Variants in GRM4 observed in about 807,000 individuals in gnomAD.
GRM4 encodes the protein glutamate metabotropic receptor 4, also known as metabotropic glutamate receptor 4.
A neutral mutation model predicts 81.7 loss-of-function variants in GRM4; 28 were observed. The observed-to-expected ratio is 0.34, with a 90% CI of 0.25 to 0.47. The LOEUF (loss-of-function observed/expected upper bound fraction) is 0.47. Among genes scored for constraint, GRM4 ranks in the 20% least tolerant of loss-of-function variants. GRM4 has a pLI of 1.00. For synonymous variants in GRM4, 488 were observed against 528.8 expected, an observed-to-expected ratio of 0.92 and a Z score of 1.06; for missense variants, 948 against 1,290.0, an observed-to-expected ratio of 0.73 and a Z score of 4.06.
At chr6:34,091,207 G>T (rs757730139) in intron 3 of GRM4, among the ~76,000 whole-genome samples, 2 of 152,222 alleles carry the variant, frequency 1.3e-5, no homozygotes, top group Non-Finnish European at 2.9e-5. Context: ...CTGCCAAGGG[G>T]ATAACCCTTG....
At position 34,059,186 on chromosome 6, in the gene GRM4, TC is replaced by T. The variant is rs1395294762; in HGVS notation, c.873-59del. On this transcript the variant is annotated intron_variant, in intron 4 of 10. Coordinates refer to ENST00000538487, the MANE Select transcript of GRM4 (RefSeq NM_000841.4). The surrounding 1 kb of genome is among the most constrained non-coding windows in gnomAD (Gnocchi z 5.7). The stretch of plus-strand genomic sequence containing the variant: ...CGTCTGTCCACGAAACTGCCCCCAC[TC>T]CTGGCCACACTTGCTTTGGGCCCAC... 6.7e-5 allele frequency: 103 copies of T among 1,534,242 alleles called. No homozygotes were observed. Among genetic ancestry groups the T allele is most frequent in the Non-Finnish European group, 9.0e-5 (100 of 1,115,628 alleles).
Position 34,115,975 on chromosome 6 carries a change from C to T in GRM4, c.519+17003G>A, listed in dbSNP as rs1048930784. Among the ~76,000 whole-genome samples, 9 of 152,194 alleles carry T rather than the reference C, an allele frequency of 5.9e-5. No homozygotes were observed. The highest frequency in any genetic ancestry group is 1.3e-4 in the Admixed American group (2 of 15,284). ...TAATTACATACAAGTGGGTTTTCTG[C>T]GGCCTCGCCACCCCTATCCAACCTG... On this transcript the variant is annotated intron_variant, in intron 2 of 10. Coordinates refer to ENST00000538487, the MANE Select transcript of GRM4 (RefSeq NM_000841.4). This position sits in a 1 kb window ranked among gnomAD's most constrained non-coding sequence, Gnocchi z 4.1.
intron 1 of GRM4, among the ~76,000 whole-genome samples, chr6:34,135,469 C>T (rs73744826): frequency 0.02 from 2,987 of 152,348 alleles, 51 homozygotes; most frequent in African/African-American, 0.045. Context: ...CACAGCAAAT[C>T]AAGATGCATC....
At chr6:34,116,189 C>A (rs1006561373) in intron 2 of GRM4, among the ~76,000 whole-genome samples, 1 of 152,214 alleles carries the variant, frequency 6.6e-6, no homozygotes, top group African/African-American at 2.4e-5. Context: ...CAAACACATG[C>A]CGCCTAGAAC....
intron 6 of GRM4, among the ~76,000 whole-genome samples, chr6:34,043,653 G>A (rs1237932692): frequency 1.3e-5 from 2 of 152,156 alleles, no homozygotes; most frequent in Non-Finnish European, 2.9e-5. Context: ...TCCCCCAGGA[G>A]GCTGGCCTCA....
intron 1 of GRM4, among the ~76,000 whole-genome samples, chr6:34,153,342 C>A (rs1771084264): frequency 6.6e-6 from 1 of 152,188 alleles, no homozygotes; most frequent in Non-Finnish European, 1.5e-5. Context: ...AGTCCCTGCC[C>A]CAGATTCTGG....
At chr6:34,024,795 C>T (rs1419138966) in intron 10 of GRM4, 7 of 455,028 alleles carry the variant, frequency 1.5e-5, no homozygotes, top group Non-Finnish European at 2.2e-5. Flanking sequence ...TTATGTGCTA[C>T]CTGGACAGGT....
At chr6:34,044,447 CAT>C (rs1482996210) in intron 6 of GRM4, among the ~76,000 whole-genome samples, 1 of 137,232 alleles carries the variant, frequency 7.3e-6, no homozygotes, top group African/African-American at 3.1e-5. Context: ...CATACATACA[CAT>C]ATATAGACAC....
chr6:34,134,315 A>G (rs1770367909), intron 1 of GRM4, among the ~76,000 whole-genome samples: 2 of 152,154 alleles, frequency 1.3e-5, no homozygotes, highest in African/African-American at 4.8e-5. Context: ...AAGCTCAGAT[A>G]AAGCTTGGAC....
chr6:34,085,342 C>T (rs1254982665), intron 3 of GRM4, among the ~76,000 whole-genome samples: 1 of 152,204 alleles, frequency 6.6e-6, no homozygotes, highest in Non-Finnish European at 1.5e-5. Context: ...AGGCGCACCC[C>T]ACAGTTCACC....
chr6:34,019,654 G>GT lies in GRM4; in HGVS notation c.*3166dup, dbSNP rs922793897. 3.9e-5 allele frequency: 6 copies of GT among 152,182 alleles called. No individual in the cohort carries two copies. The highest frequency in any genetic ancestry group is 1.4e-4 in the African/African-American group (6 of 41,430). 9.4% of individuals were successfully genotyped at this position (152,182 alleles called of 1,614,324 possible). A position where few individuals can be genotyped will look rare whatever the true frequency, so the allele number is the denominator to read the frequency against. On this transcript the variant is annotated 3_prime_UTR_variant, in exon 11 of 11. Coordinates refer to ENST00000538487, the MANE Select transcript of GRM4 (RefSeq NM_000841.4). ...CATTGAGGAGGCTGAGGCCACGGGGGTGAGCACATACCCCCTGCACACAGC... is the reference window on the plus strand; with the variant it reads ...CATTGAGGAGGCTGAGGCCACGGGGGTTGAGCACATACCCCCTGCACACAGC...
chr6:34,046,011 C>A (rs1340341585), intron 6 of GRM4, among the ~76,000 whole-genome samples: 1 of 152,194 alleles, frequency 6.6e-6, no homozygotes, highest in Non-Finnish European at 1.5e-5. Context: ...CCTTTGTCTG[C>A]AGGTTGTAAA....
intron 10 of GRM4, among the ~76,000 whole-genome samples, chr6:34,024,031 G>A (rs1764018659): frequency 6.6e-6 from 1 of 152,212 alleles, no homozygotes. Context: ...CCTCGGTCAG[G>A]ATCTGTTGGC....
In GRM4 at chr6:34,035,644, C is replaced by G; in HGVS notation, c.2442+24G>C. ...CTCACTGCCCTCACCTACCCACCGT[C>G]CACCCCCGGCCCCCACCACTCACCT... is the stretch of plus-strand genomic sequence containing the variant. On this transcript the variant is annotated intron_variant, in intron 9 of 10. Coordinates refer to ENST00000538487, the MANE Select transcript of GRM4 (RefSeq NM_000841.4). The surrounding 1 kb of genome is among the most constrained non-coding windows in gnomAD (Gnocchi z 6.6). 1.6e-5 allele frequency: 20 copies of G among 1,221,068 alleles called. No individual in the cohort carries two copies. The highest frequency in any genetic ancestry group is 2.7e-5 in the South Asian group (2 of 73,226). 75.6% of individuals were successfully genotyped at this position (1,221,068 alleles called of 1,614,324 possible).
At chr6:34,154,284 T>C (rs1001359528) in intron 1 of GRM4, among the ~76,000 whole-genome samples, 3 of 152,112 alleles carry the variant, frequency 2.0e-5, no homozygotes, top group Non-Finnish European at 4.4e-5. Flanking sequence ...GCGGTCCTGC[T>C]CCCCGACCCC....
rs544934126 is a variant in GRM4 at position 34,092,179 on chromosome 6, C to T, written c.520-80G>A. 20 of 929,362 alleles carry T rather than the reference C, an allele frequency of 2.2e-5. No individual in the cohort carries two copies. The highest frequency in any genetic ancestry group is 3.4e-5 in the Non-Finnish European group (20 of 596,560). 57.6% of individuals were successfully genotyped at this position (929,362 alleles called of 1,614,324 possible). Reference sequence around the variant, plus strand: ...CCAGCCCCATTCCCCTACACACCAACCTCCCTTTGGTCCCCACAGCCTTGG... The same window carrying T: ...CCAGCCCCATTCCCCTACACACCAATCTCCCTTTGGTCCCCACAGCCTTGG... On this transcript the variant is annotated intron_variant, in intron 2 of 10. Transcript: ENST00000538487. The surrounding 1 kb of genome is among the most constrained non-coding windows in gnomAD (Gnocchi z 6.8).
chr6:34,027,756 G>A (rs1266427944), intron 10 of GRM4, among the ~76,000 whole-genome samples: 1 of 152,226 alleles, frequency 6.6e-6, no homozygotes, highest in Non-Finnish European at 1.5e-5. Context: ...CCAGGCCCCA[G>A]CACAGGGAAA....
chr6:34,053,984 G>T (rs889182742), intron 6 of GRM4, among the ~76,000 whole-genome samples: 1 of 152,092 alleles, frequency 6.6e-6, no homozygotes, highest in African/African-American at 2.4e-5. Flanking sequence ...TGACTCTAAC[G>T]CACCTCCAGG....
chr6:34,066,249 C>T (rs186554501), intron 3 of GRM4, among the ~76,000 whole-genome samples: 60 of 152,220 alleles, frequency 3.9e-4, no homozygotes, highest in African/African-American at 1.1e-3. Context: ...CAGAGTCGCT[C>T]AACACAGCAC....
Sources: gnomAD v4.1 joint callset for allele counts (sites outside exome capture counted in the v4.1 genomes callset) on GRCh38, gnomAD v4.1.1 for gene constraint, Gnocchi (gnomAD v3.1) non-coding constraint, MANE v1.5 for transcripts, NCBI Gene and HGNC (gene_info 2026-07-23, HGNC 2026-07-21) for gene names.